Variants in MYZAP observed in about 807,000 individuals in gnomAD.
MYZAP encodes myocardial zonula adherens protein.
In MYZAP, 66 loss-of-function variants were observed where a neutral mutation model predicts 69.4. The observed-to-expected ratio is 0.95, with a 90% CI of 0.78 to 1.17. MYZAP has a LOEUF of 1.17. Ranked by LOEUF, MYZAP falls within the 50% of genes most tolerant of loss-of-function variation. The pLI is 0.00. For synonymous variants in MYZAP, 256 were observed against 205.9 expected (o/e 1.24, Z -2.09); for missense variants, 611 against 556.2 (o/e 1.10, Z -0.99).
At chr15:57,627,991 A>C (rs1357662536) in intron 5 of MYZAP, among the ~76,000 whole-genome samples, 1 of 152,130 alleles carries the variant, frequency 6.6e-6, no homozygotes, top group Non-Finnish European at 1.5e-5. Flanking sequence ...TTCTTGATTC[A>C]AGTAGGTTTA....
intron 10 of MYZAP, chr15:57,648,452 A>C: frequency 1.0e-6 from 1 of 985,422 alleles, no homozygotes; most frequent in Non-Finnish European, 1.2e-6. Context: ...ACCAGTCACG[A>C]ATGCTTCTCT....
rs2037587844 is a variant in MYZAP at position 57,648,920 on chromosome 15, G to A, written c.1119+9375G>A. Among the ~76,000 whole-genome samples, 3 of 151,130 alleles carry A rather than the reference G, an allele frequency of 2.0e-5. No homozygotes were observed. In the South Asian group the frequency reaches 6.3e-4, roughly 32 times the overall value. ...AGAGGCAGTTTGGTCTCTAGGCCAT[G>A]CCTTGATGATTTTACTGTGTATATA... is the stretch of plus-strand genomic sequence containing the variant. On this transcript the variant is annotated intron_variant, in intron 10 of 12. Coordinates refer to ENST00000267853, the MANE Select transcript of MYZAP (RefSeq NM_001018100.5).
At chr15:57,632,609 A>C (rs759100252) in intron 7 of MYZAP, 50 bp downstream of exon 7, 4 of 1,609,110 alleles carry the variant, frequency 2.5e-6, no homozygotes, top group Non-Finnish European at 3.4e-6. Flanking sequence ...TTGTTGGTTC[A>C]TTATTGTTGG....
intron 8 of MYZAP, among the ~76,000 whole-genome samples, chr15:57,634,668 A>G (rs1406336156): frequency 6.6e-6 from 1 of 152,210 alleles, no homozygotes; most frequent in Non-Finnish European, 1.5e-5. Context: ...TGTCGCCACT[A>G]TGGGAACTGC....
intron 1 of MYZAP, among the ~76,000 whole-genome samples, chr15:57,593,138 G>T (rs1464544387): frequency 8.5e-6 from 1 of 118,338 alleles, no homozygotes; most frequent in Non-Finnish European, 1.8e-5. Context: ...ATGGATTCTG[G>T]GGTGTGTGTG....
chr15:57,623,070 C>T (rs1474540625), intron 4 of MYZAP, among the ~76,000 whole-genome samples: 1 of 152,134 alleles, frequency 6.6e-6, no homozygotes, highest in African/African-American at 2.4e-5. Flanking sequence ...GGAGAGAGCT[C>T]TTTTGTGTAT....
At chr15:57,676,180 A>G (rs1477682534) in intron 12 of MYZAP, among the ~76,000 whole-genome samples, 1 of 152,042 alleles carries the variant, frequency 6.6e-6, no homozygotes, top group Non-Finnish European at 1.5e-5. Context: ...TACCAGCTCT[A>G]ACATTGTACA....
In MYZAP at chr15:57,604,369, G is replaced by A. The variant is rs553660183; in HGVS notation, c.162+14G>A. 1.2e-5 allele frequency: 20 copies of A among 1,613,994 alleles called. No homozygotes were observed. The highest frequency in any genetic ancestry group is 1.1e-4 in the South Asian group (10 of 91,050). On this transcript the variant is annotated intron_variant, in intron 2 of 12. Transcript: ENST00000267853. ...AGAAAAGAGCAGGTAAGGTATCTCCGAGGCAAAGCCCCAACAAGTTCCAGC... is the reference window on the plus strand; with the variant it reads ...AGAAAAGAGCAGGTAAGGTATCTCCAAGGCAAAGCCCCAACAAGTTCCAGC...
intron 11 of MYZAP, among the ~76,000 whole-genome samples, 191 bp downstream of exon 11, chr15:57,661,724 C>T (rs1324724505): frequency 6.6e-6 from 1 of 152,156 alleles, no homozygotes; most frequent in African/African-American, 2.4e-5. Flanking sequence ...TCCCCTCATT[C>T]CAGTTGCTGC....
intron 10 of MYZAP, among the ~76,000 whole-genome samples, chr15:57,652,368 T>C (rs2037771056): frequency 6.6e-6 from 1 of 152,232 alleles, no homozygotes; most frequent in Non-Finnish European, 1.5e-5. Flanking sequence ...TATTTCTCTA[T>C]GCATTATTTT....
rs75807046 is a variant in MYZAP at position 57,628,178 on chromosome 15, C to T, written c.526-1524C>T. The stretch of plus-strand genomic sequence containing the variant: ...GACACAGTAGAAGATGACTTTCCAA[C>T]GGCACAGATTCTGTGGAGGCCATTT... On this transcript the variant is annotated intron_variant, in intron 5 of 12. Coordinates refer to ENST00000267853, the MANE Select transcript of MYZAP (RefSeq NM_001018100.5). Among the ~76,000 whole-genome samples, 413 of 152,278 alleles carry T rather than the reference C, an allele frequency of 2.7e-3. 2 individuals are homozygous for T. The highest frequency in any genetic ancestry group is 8.3e-3 in the African/African-American group (344 of 41,556).
At chr15:57,683,801 T>G (rs1415482061) in intron 12 of MYZAP, among the ~76,000 whole-genome samples, 2 of 145,494 alleles carry the variant, frequency 1.4e-5, no homozygotes, top group African/African-American at 5.1e-5. Flanking sequence ...GGGGCCTCTC[T>G]TTTTTTTTTT....
At chr15:57,624,069 T>C (rs954983663) in intron 4 of MYZAP, among the ~76,000 whole-genome samples, 1 of 152,220 alleles carries the variant, frequency 6.6e-6, no homozygotes, top group African/African-American at 2.4e-5. Flanking sequence ...TATAAAAATA[T>C]AAAAGTAACT....
intron 12 of MYZAP, among the ~76,000 whole-genome samples, chr15:57,681,586 C>G (rs1397887901): frequency 1.3e-5 from 2 of 152,132 alleles, no homozygotes; most frequent in African/African-American, 4.8e-5. Context: ...GGGTTCAAGA[C>G]CAGACTGGCC....
At chr15:57,617,286 C>T (rs145151149) in intron 2 of MYZAP, among the ~76,000 whole-genome samples, 3 of 152,144 alleles carry the variant, frequency 2.0e-5, no homozygotes, top group African/African-American at 7.2e-5. Context: ...ATATTTCTAG[C>T]CTATAGTAGG....
intron 11 of MYZAP, among the ~76,000 whole-genome samples, chr15:57,671,450 G>A (rs78105818): frequency 0.022 from 3,334 of 152,036 alleles, 134 homozygotes; most frequent in African/African-American, 0.077. Flanking sequence ...GGAGTTTTCA[G>A]CTATTATGTT....
chr15:57,682,188 T>C (rs893093679), intron 12 of MYZAP, among the ~76,000 whole-genome samples: 5 of 152,192 alleles, frequency 3.3e-5, no homozygotes, highest in Non-Finnish European at 5.9e-5. Flanking sequence ...TGCCTGAGCT[T>C]TGGAGTCCTC....
rs569044405 is a variant in MYZAP, at chr15:57,658,455, A to G, written c.1120-2995A>G. Among the ~76,000 whole-genome samples, 81 of 152,300 alleles carry G rather than the reference A, an allele frequency of 5.3e-4. 2 individuals are homozygous for G. The South Asian group carries it at 0.014, about 26-fold the overall frequency. ...TGATGCTTTGTTCCAATCAGCATAC[A>G]CTGTGTTTACATTTAGTTATGTTTC... On this transcript the variant is annotated intron_variant, in intron 10 of 12. Coordinates refer to ENST00000267853, the MANE Select transcript of MYZAP (RefSeq NM_001018100.5).
rs5812908 is a variant in MYZAP at position 57,675,087 on chromosome 15, AT to A, written c.1304+30del. 0.76 allele frequency: 1,039,596 copies of A among 1,363,180 alleles called. 387,317 individuals are homozygous for A. The highest frequency in any genetic ancestry group is 0.91 in the East Asian group (36,089 of 39,444). The allele number at this position is 1,363,180 out of a possible 1,614,324, so 84.4% of individuals were successfully genotyped here. A position where few individuals can be genotyped will look rare whatever the true frequency, so the allele number is the denominator to read the frequency against. On this transcript the variant is annotated intron_variant, in intron 12 of 12. Coordinates refer to ENST00000267853, the MANE Select transcript of MYZAP (RefSeq NM_001018100.5). Reference sequence around the variant, plus strand: ...TACCCAGGTATTTAGGAATTTCCTGATTTTTTTTTTTATTCAAATTCCTCTT... The same window carrying A: ...TACCCAGGTATTTAGGAATTTCCTGATTTTTTTTTTATTCAAATTCCTCTT...
Sources: gnomAD v4.1 joint callset for allele counts (sites outside exome capture counted in the v4.1 genomes callset) on GRCh38, gnomAD v4.1.1 for gene constraint, MANE v1.5 for transcripts, NCBI Gene and HGNC (gene_info 2026-07-23, HGNC 2026-07-21) for gene names.